The following CD109 variants were observed in gnomAD, a reference collection of about 807,000 sequenced individuals.
CD109 encodes the protein CD109 molecule.
CD109 carries 149 observed loss-of-function variants against 165.8 expected under a neutral mutation model. That is an observed-to-expected ratio of 0.90 (90% CI 0.79 to 1.03). The LOEUF (loss-of-function observed/expected upper bound fraction) is 1.03, where lower values mean the gene tolerates loss of function less well. Among genes scored for constraint, CD109 ranks in the 50% least tolerant of loss-of-function variants. The probability of loss-of-function intolerance (pLI) is 0.00; values close to 1 mark genes in which losing one functional copy is unlikely to be tolerated. For missense variants in CD109, 1,712 were observed against 1,677.8 expected, an observed-to-expected ratio of 1.02 and a Z score of -0.36; for synonymous variants, 585 against 592.1, an observed-to-expected ratio of 0.99 and a Z score of 0.18.
intron 18 of CD109, among the ~76,000 whole-genome samples, chr6:73,783,156 G>A (rs1774568893): frequency 6.6e-6 from 1 of 152,196 alleles, no homozygotes; most frequent in Non-Finnish European, 1.5e-5. Flanking sequence ...AGCATTCCCA[G>A]GAGTCACAGG....
chr6:73,714,758 T>C (rs899238999), intron 2 of CD109, among the ~76,000 whole-genome samples: 1 of 152,238 alleles, frequency 6.6e-6, no homozygotes, highest in African/African-American at 2.4e-5. Context: ...AGTATAACTC[T>C]AAGTTTCTTC....
In CD109 at chr6:73,759,135, T is replaced by C. The variant is rs569897994; in HGVS notation, c.758+107T>C. On this transcript the variant is annotated intron_variant, in intron 7 of 32. Transcript: ENST00000287097. ...TTAGGGCAATTTTTGCTTATTAAAA[T>C]ACCTTAGTGGACAGTAAATGACTAT... 629 of 688,980 alleles carry C rather than the reference T, an allele frequency of 9.1e-4. 1 individual carries two copies. In the African/African-American group the frequency reaches 0.01, roughly 11 times the overall value. 42.7% of individuals were successfully genotyped at this position (688,980 alleles called of 1,614,324 possible).
At chr6:73,771,775 G>A (rs1774043694) in intron 15 of CD109, among the ~76,000 whole-genome samples, 194 bp downstream of exon 15, 1 of 152,216 alleles carries the variant, frequency 6.6e-6, no homozygotes, top group South Asian at 2.1e-4. Flanking sequence ...ATGTGGTTAA[G>A]TGTCCTTGCT....
chr6:73,707,967 TATATA>T (rs1771353117), intron 2 of CD109, among the ~76,000 whole-genome samples: 1 of 1,980 alleles, frequency 5.1e-4, no homozygotes, highest in African/African-American at 6.5e-4. Flanking sequence ...TATCTTTATA[TATATA>T]TATATATATA....
At chr6:73,804,199 A>G (rs368493301) in intron 24 of CD109, 15 of 152,376 alleles carry the variant, frequency 9.8e-5, no homozygotes, top group African/African-American at 3.4e-4. Flanking sequence ...AGAACTGTAT[A>G]TTATTGAATA....
rs142679323 is a variant in CD109 at position 73,764,038 on chromosome 6, T to C, written c.1107+353T>C. On this transcript the variant is annotated intron_variant, in intron 10 of 32. Transcript: ENST00000287097. ...GGTTTTTATAATGATTAATTGTAGTTCTAACAAAGATGTTACATTAAAAAA... is the reference window on the plus strand; with the variant it reads ...GGTTTTTATAATGATTAATTGTAGTCCTAACAAAGATGTTACATTAAAAAA... Among the ~76,000 whole-genome samples, 465 of 152,360 alleles carry C rather than the reference T, an allele frequency of 3.1e-3. 1 individual carries two copies. The highest frequency in any genetic ancestry group is 5.7e-3 in the Non-Finnish European group (389 of 68,024).
At chr6:73,771,957 G>A (rs1774051069) in intron 15 of CD109, among the ~76,000 whole-genome samples, 1 of 152,108 alleles carries the variant, frequency 6.6e-6, no homozygotes, top group Non-Finnish European at 1.5e-5. Context: ...TAGTATGCAA[G>A]GTGATAGATA....
intron 10 of CD109, among the ~76,000 whole-genome samples, chr6:73,764,057 T>TA (rs997825203): frequency 1.3e-5 from 2 of 152,206 alleles, no homozygotes; most frequent in Admixed American, 6.5e-5. Flanking sequence ...GATGTTACAT[T>TA]AAAAAATTAT....
intron 10 of CD109, among the ~76,000 whole-genome samples, chr6:73,764,643 C>T (rs1773765373): frequency 2.6e-5 from 4 of 152,034 alleles, no homozygotes; most frequent in Admixed American, 2.6e-4. Flanking sequence ...GGAGAAACCC[C>T]ATCTCCACTA....
At chr6:73,751,328 T>C (rs2150207958) in intron 5 of CD109, among the ~76,000 whole-genome samples, 1 of 152,262 alleles carries the variant, frequency 6.6e-6, no homozygotes, top group East Asian at 1.9e-4. Flanking sequence ...GGGAGGTCTT[T>C]CATCCAAAGT....
At chr6:73,788,310 CTAATT>C (rs1225687454) in intron 21 of CD109, among the ~76,000 whole-genome samples, 153 bp from the exon 22 acceptor site, 1 of 152,150 alleles carries the variant, frequency 6.6e-6, no homozygotes, top group East Asian at 1.9e-4. Context: ...AATAAAATAT[CTAATT>C]TAAAGAAAAC....
chr6:73,705,806 G>C (rs141371444), intron 2 of CD109, among the ~76,000 whole-genome samples: 226 of 152,278 alleles, frequency 1.5e-3, no homozygotes, highest in African/African-American at 5.1e-3. Context: ...CATTGGTGAC[G>C]CTTAAGTAAA....
chr6:73,701,753 C>A (rs1771090266), intron 2 of CD109, among the ~76,000 whole-genome samples: 1 of 152,114 alleles, frequency 6.6e-6, no homozygotes, highest in Non-Finnish European at 1.5e-5. Flanking sequence ...TTAATGAATT[C>A]ATCATCATTA....
chr6:73,725,933 T>C (rs1772126030), intron 3 of CD109, among the ~76,000 whole-genome samples: 1 of 152,258 alleles, frequency 6.6e-6, no homozygotes, highest in South Asian at 2.1e-4. Flanking sequence ...GAAAGCTTTA[T>C]TAGAGATTAT....
chr6:73,740,674 C>G (rs901898515), intron 5 of CD109, among the ~76,000 whole-genome samples: 15 of 150,010 alleles, frequency 1.0e-4, no homozygotes, highest in Admixed American at 8.0e-4. Context: ...CTCACTGAAA[C>G]CTCCACATCC....
At chr6:73,736,609 T>A (rs1424609773) in intron 5 of CD109, 101 bp downstream of exon 5, 1 of 984,154 alleles carries the variant, frequency 1.0e-6, no homozygotes, top group Non-Finnish European at 1.5e-6. Flanking sequence ...GAGAAAAAAA[T>A]TAATGTGAAC....
chr6:73,749,733 A>G (rs1773118920), intron 5 of CD109, among the ~76,000 whole-genome samples: 1 of 152,240 alleles, frequency 6.6e-6, no homozygotes, highest in African/African-American at 2.4e-5. Context: ...TGGTTATAAA[A>G]GTAATGCATG....
Position 73,812,274 on chromosome 6 carries a change from T to C in CD109, c.3768+4T>C. 1 of 1,584,980 alleles carries C rather than the reference T, an allele frequency of 6.3e-7. No homozygotes were observed. The highest frequency in any genetic ancestry group is 8.6e-7 in the Non-Finnish European group (1 of 1,157,960). On this transcript the variant is annotated splice_donor_region_variant and intron_variant, in intron 29 of 32. Coordinates refer to ENST00000287097, the MANE Select transcript of CD109 (RefSeq NM_133493.5). Reference sequence around the variant, plus strand: ...TTTTGGATTTGCTATTTGTCAGGTATGTAACGATGCTTATTTTTTTAAGTT... The same window carrying C: ...TTTTGGATTTGCTATTTGTCAGGTACGTAACGATGCTTATTTTTTTAAGTT...
At chr6:73,760,130 G>C (rs1176683981) in intron 7 of CD109, among the ~76,000 whole-genome samples, 1 of 152,100 alleles carries the variant, frequency 6.6e-6, no homozygotes, top group Non-Finnish European at 1.5e-5. Flanking sequence ...TTTCTGGGCC[G>C]GGCGCAGTGG....
Sources: allele counts gnomAD v4.1 joint callset (sites outside exome capture counted in the v4.1 genomes callset), GRCh38; gene constraint gnomAD v4.1.1; transcripts MANE v1.5; gene names NCBI Gene and HGNC (gene_info 2026-07-23, HGNC 2026-07-21).